S100PBP: variants seen among roughly 807,000 people sequenced by gnomAD.
S100PBP encodes S100P binding protein.
S100PBP carries 15 observed loss-of-function variants against 39.9 expected under a neutral mutation model. The observed-to-expected ratio is 0.38, with a 90% CI of 0.25 to 0.58. S100PBP has a LOEUF of 0.58. S100PBP is among the 20% of genes least tolerant of loss of function. S100PBP has a pLI of 0.70. For missense variants in S100PBP, 504 were observed against 487.3 expected (o/e 1.03, Z -0.32); for synonymous variants, 178 against 180.3 (o/e 0.99, Z 0.10).
intron 5 of S100PBP, chr1:32,836,414 G>T: frequency 2.3e-6 from 1 of 426,230 alleles, no homozygotes; most frequent in Non-Finnish European, 3.1e-6. Context: ...TTGCAGGTGT[G>T]AACCACTGTG....
intron 5 of S100PBP, among the ~76,000 whole-genome samples, chr1:32,849,137 C>CT (rs1478192782): frequency 1.3e-5 from 2 of 151,116 alleles, no homozygotes; most frequent in Admixed American, 6.7e-5. Flanking sequence ...AGTATCTTTT[C>CT]TTTCTTTTTT....
chr1:32,855,810 C>A (rs1640795906), intron 6 of S100PBP, 114 bp from the exon 7 acceptor site: 2 of 588,232 alleles, frequency 3.4e-6, no homozygotes, highest in Non-Finnish European at 6.0e-6. Context: ...AAATTAATAT[C>A]TGATTTCCAA....
chr1:32,826,151 C>T lies in S100PBP; in HGVS notation c.52C>T (p.Pro18Ser). Residue 18 changes from proline (P) to serine (S), a missense_variant, in exon 3 of 7, where the codon CCT becomes TCT. By Grantham distance (74) the Pro-to-Ser change is moderately conservative (BLOSUM62 -1). Transcript: ENST00000373475. ...SEQSSGTSLL[P>S]KDGAPFSWDS... ...ACAGTCTTCTGGTACCTCTCTCTTG[C>T]CTAAAGACGGTGCCCCATTTTCTTG... 1.2e-6 allele frequency: 2 copies of T among 1,613,936 alleles called. No homozygotes were observed. The highest frequency in any genetic ancestry group is 2.7e-5 in the African/African-American group (2 of 74,980).
At chr1:32,834,100 C>A (rs530796664) in intron 5 of S100PBP, 2 of 255,230 alleles carry the variant, frequency 7.8e-6, no homozygotes, top group South Asian at 4.5e-5. Context: ...TTACATGTTA[C>A]CAGATGGTCC....
intron 1 of S100PBP, chr1:32,820,632 C>G (rs1008064035): frequency 6.6e-6 from 1 of 152,168 alleles, no homozygotes; most frequent in Admixed American, 6.5e-5. Flanking sequence ...ACATTTGATA[C>G]TTCACAGAGT....
In S100PBP at chr1:32,826,656, T is replaced by G; in HGVS notation, c.557T>G (p.Leu186Arg). 1 of 1,614,190 alleles carries G rather than the reference T, an allele frequency of 6.2e-7. No homozygotes were observed. Among genetic ancestry groups the G allele is most frequent in the Non-Finnish European group, 8.5e-7 (1 of 1,180,038 alleles). The change falls in exon 3 of 7, where the codon CTT (leucine) becomes CGT (arginine). Residue 186 changes from leucine (L) to arginine (R), a missense_variant. Transcript: ENST00000373475. ...SLGEEMREDG[L>R]SPNESKLCTE... ...GGAGAAGAGATGAGAGAAGATGGTC[T>G]TAGCCCAAATGAAAGCAAACTTTGT...
At chr1:32,844,821 ATATC>A in intron 5 of S100PBP, among the ~76,000 whole-genome samples, 1 of 151,354 alleles carries the variant, frequency 6.6e-6, no homozygotes, top group South Asian at 2.1e-4. Flanking sequence ...ATATCTCTAT[ATATC>A]TATATATATA....
chr1:32,827,410 T>C (rs1388655448), intron 3 of S100PBP, among the ~76,000 whole-genome samples: 1 of 152,214 alleles, frequency 6.6e-6, no homozygotes, highest in African/African-American at 2.4e-5. Context: ...TGAAAAATCT[T>C]GGGCAATTTA....
chr1:32,854,822 C>G (rs1326780481), intron 6 of S100PBP, among the ~76,000 whole-genome samples: 1 of 152,210 alleles, frequency 6.6e-6, no homozygotes, highest in Non-Finnish European at 1.5e-5. Flanking sequence ...CATATTCCCT[C>G]TGTAGTTGTC....
chr1:32,845,031 T>A (rs1640301530), intron 5 of S100PBP, among the ~76,000 whole-genome samples: 1 of 145,498 alleles, frequency 6.9e-6, no homozygotes, highest in African/African-American at 2.6e-5. Context: ...TATTTATTTA[T>A]TTAATTTATT....
chr1:32,855,369 C>G (rs1640779465), intron 6 of S100PBP, among the ~76,000 whole-genome samples: 1 of 152,152 alleles, frequency 6.6e-6, no homozygotes, highest in African/African-American at 2.4e-5. Context: ...AGAACTGCAG[C>G]CCAGCACATA....
chr1:32,848,247 C>T (rs1640464914), intron 5 of S100PBP, among the ~76,000 whole-genome samples: 1 of 152,052 alleles, frequency 6.6e-6, no homozygotes. Context: ...GCAGAGTTTG[C>T]AGTGAGCCAA....
chr1:32,824,348 T>G (rs770677041), intron 1 of S100PBP, among the ~76,000 whole-genome samples: 3 of 152,212 alleles, frequency 2.0e-5, no homozygotes, highest in African/African-American at 4.8e-5. Context: ...AAGCATTTCT[T>G]ATACTTCTCA....
At chr1:32,839,699 G>A (rs913455004) in intron 5 of S100PBP, among the ~76,000 whole-genome samples, 1 of 152,064 alleles carries the variant, frequency 6.6e-6, no homozygotes, top group African/African-American at 2.4e-5. Context: ...TTTTAGAGAC[G>A]GGGTCTCACT....
In S100PBP at chr1:32,826,917, C is replaced by T; in HGVS notation, c.818C>T (p.Thr273Ile). ...GAAATGAGATCTCTGGTTGTTTCCA[C>T]CTCATCAAACAAAGTAAGTATATTT... is the stretch of plus-strand genomic sequence containing the variant. ...SCEMRSLVVS[T>I]SSNKQDVLNK... Residue 273 changes from threonine to isoleucine, a missense_variant, in exon 3 of 7, where the codon ACC (threonine) becomes ATC (isoleucine). Physicochemically the swap from Thr to Ile is moderately conservative, Grantham distance 89 (BLOSUM62 -1). Coordinates refer to ENST00000373475, the MANE Select transcript of S100PBP (RefSeq NM_022753.4). 1 of 1,572,116 alleles carries T rather than the reference C, an allele frequency of 6.4e-7. No individual in the cohort carries two copies. Among genetic ancestry groups the T allele is most frequent in the South Asian group, 1.2e-5 (1 of 85,220 alleles).
rs1639327673 is a variant in S100PBP, at chr1:32,826,428, C to T, written c.329C>T (p.Thr110Ile). 1 of 1,613,998 alleles carries T rather than the reference C, an allele frequency of 6.2e-7. No individual in the cohort carries two copies. Among genetic ancestry groups the T allele is most frequent in the African/African-American group, 1.3e-5 (1 of 74,910 alleles). Residue 110 changes from threonine to isoleucine, a missense_variant, in exon 3 of 7, where the codon ACT becomes ATT. Thr to Ile is a moderately conservative substitution (Grantham distance 89). Coordinates refer to ENST00000373475, the MANE Select transcript of S100PBP (RefSeq NM_022753.4). ...SSYSLGPVAETPDLFKLPQLS... is the reference protein window; with the variant it reads ...SSYSLGPVAEIPDLFKLPQLS... Reference sequence around the variant, plus strand: ...TACAGCCTGGGACCAGTAGCTGAGACTCCTGACCTCTTCAAACTACCTCAG... The same window carrying T: ...TACAGCCTGGGACCAGTAGCTGAGATTCCTGACCTCTTCAAACTACCTCAG...
At chr1:32,840,656 C>G (rs1640045647) in intron 5 of S100PBP, among the ~76,000 whole-genome samples, 1 of 152,044 alleles carries the variant, frequency 6.6e-6, no homozygotes, top group African/African-American at 2.4e-5. Context: ...CACGCCCGAC[C>G]TATTTTCTAT....
chr1:32,838,580 C>A (rs1008831460), intron 5 of S100PBP, among the ~76,000 whole-genome samples: 1 of 152,074 alleles, frequency 6.6e-6, no homozygotes, highest in Non-Finnish European at 1.5e-5. Flanking sequence ...CAGTGGCTCA[C>A]GCCTGTAATC....
intron 3 of S100PBP, among the ~76,000 whole-genome samples, chr1:32,827,267 C>T (rs1212837313): frequency 6.6e-6 from 1 of 151,844 alleles, no homozygotes; most frequent in Non-Finnish European, 1.5e-5. Flanking sequence ...ATTAAATTAC[C>T]CTCTGTTGAA....
Sources: allele counts gnomAD v4.1 joint callset (sites outside exome capture counted in the v4.1 genomes callset), GRCh38; gene constraint gnomAD v4.1.1; transcripts MANE v1.5; gene names NCBI Gene and HGNC (gene_info 2026-07-23, HGNC 2026-07-21).